Variants in NLRP12 observed in about 807,000 individuals in gnomAD.
The protein encoded by NLRP12 is NLR family pyrin domain containing 12, also known as NACHT, LRR and PYD domains-containing protein 12.
In NLRP12, 108 loss-of-function variants were observed where a neutral mutation model predicts 91.2. The observed-to-expected ratio is 1.18, with a 90% confidence interval of 1.01 to 1.39. NLRP12 has a LOEUF of 1.39. Ranked by LOEUF, NLRP12 falls within the 40% of genes most tolerant of loss-of-function variation. The pLI is 0.00. For synonymous variants in NLRP12, 613 were observed against 566.7 expected (o/e 1.08, Z -1.16); for missense variants, 1,530 against 1,352.7 (o/e 1.13, Z -2.06).
Position 53,810,682 on chromosome 19 carries a change from C to T in NLRP12, c.977G>A (p.Ser326Asn). Reference sequence around the variant, plus strand: ...AGGGAGCAGCTTCTTCCGAATTAAGCTGTTAAGAAGCAGCTCCGTGGGCCG... The same window carrying T: ...AGGGAGCAGCTTCTTCCGAATTAAGTTGTTAAGAAGCAGCTCCGTGGGCCG... Reference protein sequence around the residue: ...EKRPTELLLNSLIRKKLLPEL... With the variant: ...EKRPTELLLNNLIRKKLLPEL... Residue 326 changes from serine to asparagine, a missense_variant, in exon 3 of 10, where the codon AGC becomes AAC. By Grantham distance (46) the Ser-to-Asn change is conservative. Coordinates refer to ENST00000324134, the MANE Select transcript of NLRP12 (RefSeq NM_144687.4). 4 of 1,613,900 alleles carry T rather than the reference C, an allele frequency of 2.5e-6. No homozygotes were observed. Among genetic ancestry groups the T allele is most frequent in the South Asian group, 1.1e-5 (1 of 91,060 alleles).
chr19:53,814,657 C>G (rs2092129584), intron 2 of NLRP12, among the ~76,000 whole-genome samples: 2 of 152,118 alleles, frequency 1.3e-5, no homozygotes, highest in Non-Finnish European at 2.9e-5. Flanking sequence ...GGCCTCTTAG[C>G]CTTCCTTGTT....
intron 9 of NLRP12, among the ~76,000 whole-genome samples, 195 bp downstream of exon 9, chr19:53,795,664 G>A (rs888327036): frequency 2.0e-5 from 3 of 152,156 alleles, no homozygotes; most frequent in Non-Finnish European, 2.9e-5. Flanking sequence ...GTGAGCCACC[G>A]CGCCCGGCCT....
In NLRP12 at chr19:53,810,188, C is replaced by T. The variant is rs200795570; in HGVS notation, c.1471G>A (p.Val491Ile). 4 of 1,614,130 alleles carry T rather than the reference C, an allele frequency of 2.5e-6. No individual in the cohort carries two copies. The highest frequency in any genetic ancestry group is 1.7e-5 in the Admixed American group (1 of 59,996). ...LRKHGLDGED[V>I]SAFLNMNIFQ... ...ATGTTCATGTTGAGGAAGGCAGAGACGTCTTCCCCGTCTAGGCCGTGCTTC... is the reference window on the plus strand; with the variant it reads ...ATGTTCATGTTGAGGAAGGCAGAGATGTCTTCCCCGTCTAGGCCGTGCTTC... Residue 491 changes from valine (V) to isoleucine (I), a missense_variant, in exon 3 of 10, where the codon GTC becomes ATC. Physicochemically the swap from Val to Ile is conservative, Grantham distance 29. Coordinates refer to ENST00000324134, the MANE Select transcript of NLRP12 (RefSeq NM_144687.4).
Position 53,805,417 on chromosome 19 carries a change from G to T in NLRP12, c.2277C>A (p.Cys759Ter), listed in dbSNP as rs763712459. 6.2e-7 allele frequency: 1 copy of T among 1,613,894 alleles called. No homozygotes were observed. The highest frequency in any genetic ancestry group is 1.1e-5 in the South Asian group (1 of 91,082). Residue 759 changes from cysteine (C) to a stop codon, truncating the protein, a stop_gained, in exon 5 of 10, where the codon TGC becomes TGA. Transcript: ENST00000324134. LOFTEE classifies it high-confidence loss of function. The part of the protein sequence containing the change: ...LKRCRISSSA[C>*]EDLSAALIAN... ...CTATGAGAGCTGCAGAGAGGTCCTC[G>T]CAGGCTGAGCTGGAGATGCGGCACC...
At position 53,798,259 on chromosome 19, in the gene NLRP12, T is replaced by A; in HGVS notation, c.2911A>T (p.Arg971Ter). ...LAEGLQHPAC[R>*]LQKLWLDSCG... Reference sequence around the variant, plus strand: ...GATGCTCACCACAGTTTCTGGAGTCTGCAGGCGGGATGTTGCAGCCCCTCA... The same window carrying A: ...GATGCTCACCACAGTTTCTGGAGTCAGCAGGCGGGATGTTGCAGCCCCTCA... The change falls in exon 8 of 10, where the codon AGA becomes TGA. Residue 971 changes from arginine to a stop codon, truncating the protein, a stop_gained. Coordinates refer to ENST00000324134, the MANE Select transcript of NLRP12 (RefSeq NM_144687.4). LOFTEE classifies it high-confidence loss of function. 1 of 1,614,204 alleles carries A rather than the reference T, an allele frequency of 6.2e-7. No individual in the cohort carries two copies.
intron 1 of NLRP12, among the ~76,000 whole-genome samples, chr19:53,819,601 A>G (rs377193571): frequency 0.79 from 34,215 of 43,176 alleles, 13,483 homozygotes; most frequent in Middle Eastern, 0.88. Flanking sequence ...GTATATACGC[A>G]TATATATGTA....
intron 4 of NLRP12, among the ~76,000 whole-genome samples, chr19:53,806,464 C>G (rs965342890): frequency 1.3e-5 from 2 of 151,594 alleles, no homozygotes; most frequent in African/African-American, 2.4e-5. Flanking sequence ...GGGTGGATCA[C>G]GAGGTTAGAG....
At position 53,798,989 on chromosome 19, in the gene NLRP12, G is replaced by A. The variant is rs552382515; in HGVS notation, c.2757-576C>T. 3.4e-5 allele frequency among the ~76,000 whole-genome samples: 5 copies of A among 149,140 alleles called. No homozygotes were observed. In the East Asian group the frequency reaches 5.9e-4, roughly 18 times the overall value. On this transcript the variant is annotated intron_variant, in intron 7 of 9. Coordinates refer to ENST00000324134, the MANE Select transcript of NLRP12 (RefSeq NM_144687.4). Reference sequence around the variant, plus strand: ...ACTCCTGACCTTAGGTGATCCACCCGCCTCAGCCTCCTATCTACAAATTTT... The same window carrying A: ...ACTCCTGACCTTAGGTGATCCACCCACCTCAGCCTCCTATCTACAAATTTT...
chr19:53,819,660 C>T lies in NLRP12; in HGVS notation c.289+4226G>A, dbSNP rs1568696757. ...ATGTATGTATACGTATATATATACA[C>T]ATGTATACATATATGTATGTATACA... On this transcript the variant is annotated intron_variant, in intron 1 of 9. Coordinates refer to ENST00000324134, the MANE Select transcript of NLRP12 (RefSeq NM_144687.4). Among the ~76,000 whole-genome samples, 157 of 21,134 alleles carry T rather than the reference C, an allele frequency of 7.4e-3. 28 individuals carry two copies. Among genetic ancestry groups the T allele is most frequent in the African/African-American group, 9.7e-3 (53 of 5,484 alleles). The allele number at this position is 21,134 out of a possible 152,430, so 13.9% of individuals were successfully genotyped here.
intron 2 of NLRP12, among the ~76,000 whole-genome samples, chr19:53,813,290 T>TC (rs377025830): frequency 7.5e-6 from 1 of 133,480 alleles, no homozygotes. Context: ...TCTTTTTTTT[T>TC]TTTCTTTTCT....
At chr19:53,801,938 C>T (rs1377920072) in intron 6 of NLRP12, among the ~76,000 whole-genome samples, 2 of 151,628 alleles carry the variant, frequency 1.3e-5, no homozygotes, top group Non-Finnish European at 1.5e-5. Flanking sequence ...ACTAATAATA[C>T]AAAATTAGAC....
At chr19:53,799,364 C>A (rs1292024226) in intron 7 of NLRP12, among the ~76,000 whole-genome samples, 1 of 152,012 alleles carries the variant, frequency 6.6e-6, no homozygotes, top group African/African-American at 2.4e-5. Context: ...AAAAAAAATA[C>A]ACAAAGTGTG....
chr19:53,823,419 T>A (rs774101750), intron 1 of NLRP12, among the ~76,000 whole-genome samples: 75,152 of 106,878 alleles, frequency 0.7, 26,787 homozygotes, highest in Non-Finnish European at 0.74. Flanking sequence ...ATATATGTTT[T>A]AAATATATAT....
At chr19:53,811,613 G>A (rs1163669363) in intron 2 of NLRP12, among the ~76,000 whole-genome samples, 4 of 149,116 alleles carry the variant, frequency 2.7e-5, no homozygotes, top group Admixed American at 2.7e-4. Context: ...TCGCTCTGTT[G>A]CCCAGCTTGG....
At position 53,798,307 on chromosome 19, in the gene NLRP12, C is replaced by A; in HGVS notation, c.2863G>T (p.Asp955Tyr). ...TCAGCCAGCAACCACAGGCCCCAGTCTCCCAGGTCGTTGAAACTCAAGTCC... is the reference window on the plus strand; with the variant it reads ...TCAGCCAGCAACCACAGGCCCCAGTATCCCAGGTCGTTGAAACTCAAGTCC... ...ELDLSFNDLG[D>Y]WGLWLLAEGL... Residue 955 changes from aspartate (D) to tyrosine (Y), a missense_variant, in exon 8 of 10, where the codon GAC becomes TAC. Coordinates refer to ENST00000324134, the MANE Select transcript of NLRP12 (RefSeq NM_144687.4). 6.2e-7 allele frequency: 1 copy of A among 1,614,184 alleles called. No individual in the cohort carries two copies. Among genetic ancestry groups the A allele is most frequent in the Non-Finnish European group, 8.5e-7 (1 of 1,180,048 alleles).
In NLRP12 at chr19:53,793,990, G is replaced by T; in HGVS notation, c.*59C>A. On this transcript the variant is annotated 3_prime_UTR_variant, in exon 10 of 10. Transcript: ENST00000324134. ...CTGATCATTATGCTGGGGGGGTGAT[G>T]AGCACCCTCCCATCTTCCTCTGTCC... 8.5e-7 allele frequency: 1 copy of T among 1,171,420 alleles called. No individual in the cohort carries two copies. Among genetic ancestry groups the T allele is most frequent in the South Asian group, 1.2e-5 (1 of 82,044 alleles). 72.6% of individuals were successfully genotyped at this position (1,171,420 alleles called of 1,614,324 possible). A position where few individuals can be genotyped will look rare whatever the true frequency, so the allele number is the denominator to read the frequency against.
At chr19:53,815,289 CAT>C (rs1299035500) in intron 1 of NLRP12, among the ~76,000 whole-genome samples, 9 of 137,636 alleles carry the variant, frequency 6.5e-5, no homozygotes, top group Non-Finnish European at 1.2e-4. Context: ...AATGCAGTGG[CAT>C]GATCTCGGCT....
chr19:53,810,913 T>G lies in NLRP12; in HGVS notation c.746A>C (p.Tyr249Ser). The G allele has an allele frequency of 3.1e-6, 5 of 1,614,144 alleles. No homozygotes were observed. Among genetic ancestry groups the G allele is most frequent in the Non-Finnish European group, 4.2e-6 (5 of 1,180,028 alleles). The change falls in exon 3 of 10, where the codon TAC becomes TCC. Residue 249 changes from tyrosine (Y) to serine (S), a missense_variant. Tyr to Ser is a moderately radical substitution (Grantham distance 144, BLOSUM62 -2). Transcript: ENST00000324134. ...CTGGTTCATCTCCCTGCAGTTGATG[T>G]AGAAGAGATAATCAAATCTGCCTTG... ...LFQGRFDYLF[Y>S]INCREMNQSA... is the part of the protein sequence containing the mutation.
chr19:53,820,653 G>A (rs1197397817), intron 1 of NLRP12, among the ~76,000 whole-genome samples: 1 of 151,858 alleles, frequency 6.6e-6, no homozygotes, highest in Non-Finnish European at 1.5e-5. Flanking sequence ...AGTCTAGCCT[G>A]GGCAACATAG....
Sources: allele counts gnomAD v4.1 joint callset (sites outside exome capture counted in the v4.1 genomes callset), GRCh38; gene constraint gnomAD v4.1.1; transcripts MANE v1.5; gene names NCBI Gene and HGNC (gene_info 2026-07-23, HGNC 2026-07-21).